Variants in PLEKHA8 observed in about 807,000 individuals in gnomAD.
The protein encoded by PLEKHA8 is pleckstrin homology domain containing A8.
PLEKHA8 carries 36 observed loss-of-function variants against 68.2 expected under a neutral mutation model. The ratio of observed to expected loss-of-function variants is 0.53; its 90% CI spans 0.40 to 0.70. The LOEUF is 0.70. Ranked by LOEUF, PLEKHA8 falls within the 30% of genes least tolerant of loss-of-function variation. PLEKHA8 has a pLI of 0.00. For synonymous variants in PLEKHA8, 211 were observed against 216.1 expected (o/e 0.98, Z 0.20); for missense variants, 505 against 615.4 (o/e 0.82, Z 1.90).
At chr7:30,056,962 T>C (rs1283010584) in intron 9 of PLEKHA8, among the ~76,000 whole-genome samples, 1 of 148,452 alleles carries the variant, frequency 6.7e-6, no homozygotes, top group Non-Finnish European at 1.5e-5. Context: ...TAAAAAAGTT[T>C]ATTTAGGTCA....
downstream of PLEKHA8, among the ~76,000 whole-genome samples, chr7:30,085,116 T>G (rs181274634): frequency 1.1e-4 from 17 of 152,118 alleles, no homozygotes; most frequent in African/African-American, 4.1e-4. Context: ...GACTTTTAAT[T>G]TTAGTAGAAA....
intron 12 of PLEKHA8, among the ~76,000 whole-genome samples, chr7:30,067,770 C>A (rs1367523973): frequency 6.6e-6 from 1 of 152,178 alleles, no homozygotes; most frequent in African/African-American, 2.4e-5. Flanking sequence ...TATTTTCAGA[C>A]TTTAGCCACT....
At chr7:30,069,095 T>C (rs747517543) in intron 12 of PLEKHA8, among the ~76,000 whole-genome samples, 1 of 152,218 alleles carries the variant, frequency 6.6e-6, no homozygotes, top group Non-Finnish European at 1.5e-5. Flanking sequence ...ACATGAGTTA[T>C]AGGATGAAGG....
At position 30,081,894 on chromosome 7, in the gene PLEKHA8, T is replaced by C; in HGVS notation, c.*3107T>C. 2.0e-6 allele frequency: 2 copies of C among 982,962 alleles called. No homozygotes were observed. Among genetic ancestry groups the C allele is most frequent in the East Asian group, 2.3e-4 (2 of 8,808 alleles). 60.9% of individuals were successfully genotyped at this position (982,962 alleles called of 1,614,324 possible). On this transcript the variant is annotated 3_prime_UTR_variant, in exon 14 of 14. Coordinates refer to ENST00000449726, the MANE Select transcript of PLEKHA8 (RefSeq NM_001197026.2). ...ATTTGTTGAATTAAACAAAATATTT[T>C]CAATGATGGCAAGTCTCTTGACTTT...
chr7:30,119,041 C>G (rs570840343), intron 13 of PLEKHA8, among the ~76,000 whole-genome samples: 2 of 152,238 alleles, frequency 1.3e-5, no homozygotes, highest in South Asian at 4.1e-4. Flanking sequence ...GGCATTGGCC[C>G]GTGGTACAGA....
At chr7:30,109,667 C>T (rs1362663932) in intron 13 of PLEKHA8, among the ~76,000 whole-genome samples, 1 of 126,044 alleles carries the variant, frequency 7.9e-6, no homozygotes, top group Non-Finnish European at 1.7e-5. Flanking sequence ...TTTCCTTTTT[C>T]TTTTTCTTTT....
At chr7:30,108,067 CAAA>C (rs796801365) in intron 13 of PLEKHA8, among the ~76,000 whole-genome samples, 11,480 of 52,430 alleles carry the variant, frequency 0.22, 424 homozygotes, top group Middle Eastern at 0.25. Context: ...AACTCCATCT[CAAA>C]AAAAAAAAAA....
chr7:30,117,724 C>A (rs1209208568), intron 13 of PLEKHA8, among the ~76,000 whole-genome samples: 1 of 151,896 alleles, frequency 6.6e-6, no homozygotes, highest in Non-Finnish European at 1.5e-5. Context: ...AAATTAAAAT[C>A]TTTAAAAAAC....
intron 10 of PLEKHA8, 133 bp downstream of exon 10, chr7:30,061,075 T>A (rs1793398943): frequency 3.8e-6 from 3 of 787,780 alleles, no homozygotes; most frequent in Non-Finnish European, 6.2e-6. Flanking sequence ...AGCATCTTTC[T>A]TCTCACACTG....
intron 1 of PLEKHA8, among the ~76,000 whole-genome samples, chr7:30,038,215 CAAAATACAACAGTAG>C (rs1791252115): frequency 6.6e-6 from 1 of 151,904 alleles, no homozygotes; most frequent in Non-Finnish European, 1.5e-5. Context: ...AAAAACTGAA[CAAAATACAACAGTAG>C]AATATTGCAT....
chr7:30,103,416 T>C (rs1795934738), intron 13 of PLEKHA8, among the ~76,000 whole-genome samples: 1 of 152,228 alleles, frequency 6.6e-6, no homozygotes, highest in African/African-American at 2.4e-5. Flanking sequence ...GCAATGTTTT[T>C]GTAGAAATTG....
intron 13 of PLEKHA8, among the ~76,000 whole-genome samples, chr7:30,117,807 C>A (rs987965065): frequency 3.9e-5 from 6 of 151,928 alleles, no homozygotes; most frequent in Admixed American, 2.0e-4. Flanking sequence ...AGTGTGCACA[C>A]TAAAAAAATG....
intron 13 of PLEKHA8, among the ~76,000 whole-genome samples, chr7:30,119,555 G>GCAC (rs1311822166): frequency 3.3e-5 from 5 of 152,294 alleles, no homozygotes; most frequent in South Asian, 2.1e-4. Flanking sequence ...ATTAATAAGA[G>GCAC]CACTCTCCAT....
Position 30,078,855 on chromosome 7 carries a change from T to A in PLEKHA8, c.*68T>A. On this transcript the variant is annotated 3_prime_UTR_variant, in exon 14 of 14. Coordinates refer to ENST00000449726, the MANE Select transcript of PLEKHA8 (RefSeq NM_001197026.2). ...AAAGTGTTTTGTTGCCCTACTTAAT[T>A]TCCAGCAACAGCCTCAACCCTCTCC... is the stretch of plus-strand genomic sequence containing the variant. The A allele has an allele frequency of 6.5e-7, 1 of 1,544,206 alleles. No homozygotes were observed. The highest frequency in any genetic ancestry group is 2.0e-5 in the Admixed American group (1 of 50,918).
chr7:30,030,549 C>G (rs1263830404), intron 1 of PLEKHA8, among the ~76,000 whole-genome samples: 1 of 152,188 alleles, frequency 6.6e-6, no homozygotes, highest in Non-Finnish European at 1.5e-5. Context: ...GTGAGTGGTG[C>G]TAGGGTGGAA....
At chr7:30,115,639 T>C (rs1364847137) in intron 13 of PLEKHA8, among the ~76,000 whole-genome samples, 2 of 151,756 alleles carry the variant, frequency 1.3e-5, no homozygotes, top group East Asian at 1.9e-4. Flanking sequence ...TACACATACA[T>C]GCACACATGT....
intron 9 of PLEKHA8, among the ~76,000 whole-genome samples, chr7:30,056,737 AAAAAAGTGT>A (rs1300584034): frequency 9.9e-6 from 1 of 101,452 alleles, no homozygotes; most frequent in African/African-American, 3.6e-5. Flanking sequence ...AAAAAAAAAA[AAAAAAGTGT>A]GTGTGTGTGT....
Position 30,046,190 on chromosome 7 carries a change from T to A in PLEKHA8, c.158-20T>A, listed in dbSNP as rs1344048021. The stretch of plus-strand genomic sequence containing the variant: ...ACAGGGCTCTTCTGAGTCTCTGATC[T>A]CCCTCTGTCTTGCTCCCAGTTCATT... On this transcript the variant is annotated intron_variant, in intron 2 of 13. Transcript: ENST00000449726. 1.3e-6 allele frequency: 2 copies of A among 1,545,326 alleles called. No homozygotes were observed.
intron 13 of PLEKHA8, chr7:30,115,809 CATGCATGT>C (rs1562557923): frequency 1.1e-4 from 12 of 106,928 alleles, no homozygotes; most frequent in African/African-American, 3.2e-4. Context: ...TGTATACACG[CATGCATGT>C]ATACATGCGT....
Sources: allele counts gnomAD v4.1 joint callset (sites outside exome capture counted in the v4.1 genomes callset), GRCh38; gene constraint gnomAD v4.1.1; transcripts MANE v1.5; gene names NCBI Gene and HGNC (gene_info 2026-07-23, HGNC 2026-07-21).